Variants in AGPS observed in about 807,000 individuals in gnomAD.
AGPS encodes alkyldihydroxyacetonephosphate synthase, peroxisomal.
AGPS carries 26 observed loss-of-function variants against 90.7 expected under a neutral mutation model. The ratio of observed to expected loss-of-function variants is 0.29; its 90% confidence interval spans 0.21 to 0.40. The LOEUF (loss-of-function observed/expected upper bound fraction) is 0.40. AGPS is among the 10% of genes least tolerant of loss of function. AGPS has a pLI of 1.00. For missense variants in AGPS, 540 were observed against 816.1 expected, an observed-to-expected ratio of 0.66 and a Z score of 4.12; for synonymous variants, 294 against 285.3, an observed-to-expected ratio of 1.03 and a Z score of -0.31.
chr2:177,435,453 T>G (rs1686378238), intron 3 of AGPS, among the ~76,000 whole-genome samples: 1 of 152,162 alleles, frequency 6.6e-6, no homozygotes, highest in Non-Finnish European at 1.5e-5. Flanking sequence ...CCACATACTA[T>G]AGTTAGAAAT....
intron 11 of AGPS, among the ~76,000 whole-genome samples, chr2:177,489,702 G>A (rs1403319887): frequency 6.6e-6 from 1 of 152,160 alleles, no homozygotes; most frequent in Non-Finnish European, 1.5e-5. Context: ...ATATAGTTAG[G>A]TACAAGTTCG....
intron 1 of AGPS, among the ~76,000 whole-genome samples, chr2:177,401,547 ATT>A (rs765100790): frequency 1.5e-4 from 21 of 140,482 alleles, no homozygotes; most frequent in Admixed American, 2.1e-4. Context: ...TTTAATTTTA[ATT>A]TTTTTTTTTT....
At chr2:177,524,065 G>T (rs1346398810) in intron 19 of AGPS, among the ~76,000 whole-genome samples, 1 of 152,132 alleles carries the variant, frequency 6.6e-6, no homozygotes, top group Non-Finnish European at 1.5e-5. Context: ...TGTTATCAGA[G>T]AATAGCCCAG....
intron 7 of AGPS, among the ~76,000 whole-genome samples, chr2:177,444,810 T>C (rs967783693): frequency 1.3e-5 from 2 of 152,206 alleles, no homozygotes; most frequent in African/African-American, 4.8e-5. Flanking sequence ...CTGCTCTTAA[T>C]AGTAGAAAGT....
chr2:177,400,496 A>C (rs1685302651), intron 1 of AGPS, among the ~76,000 whole-genome samples: 1 of 152,162 alleles, frequency 6.6e-6, no homozygotes, highest in Admixed American at 6.5e-5. Flanking sequence ...CAGTAGTTGA[A>C]ATACGCTTAC....
intron 1 of AGPS, among the ~76,000 whole-genome samples, chr2:177,395,039 G>A (rs1490530531): frequency 1.3e-5 from 2 of 152,064 alleles, no homozygotes; most frequent in African/African-American, 4.8e-5. Context: ...ATTTCATCTC[G>A]TCTCCTGGCT....
intron 2 of AGPS, among the ~76,000 whole-genome samples, chr2:177,421,839 A>G (rs1685949665): frequency 6.6e-6 from 1 of 152,168 alleles, no homozygotes; most frequent in South Asian, 2.1e-4. Context: ...CTCTTCTCGG[A>G]CACTGTCCTC....
At chr2:177,460,884 A>C (rs1287561933) in intron 8 of AGPS, among the ~76,000 whole-genome samples, 1 of 152,234 alleles carries the variant, frequency 6.6e-6, no homozygotes, top group African/African-American at 2.4e-5. Context: ...TTTTCCTAGC[A>C]GCAAAATTAG....
chr2:177,500,554 A>AT (rs200479997), intron 14 of AGPS, among the ~76,000 whole-genome samples: 10 of 151,432 alleles, frequency 6.6e-5, no homozygotes, highest in African/African-American at 1.5e-4. Context: ...ACTTTTATGT[A>AT]TTTTTTTTCA....
intron 11 of AGPS, among the ~76,000 whole-genome samples, chr2:177,486,333 A>T (rs571185600): frequency 6.6e-6 from 1 of 152,336 alleles, no homozygotes; most frequent in African/African-American, 2.4e-5. Flanking sequence ...ATAATGGTTT[A>T]GGGAAAGTTG....
At chr2:177,402,643 G>A (rs767833442) in intron 1 of AGPS, among the ~76,000 whole-genome samples, 8 of 152,162 alleles carry the variant, frequency 5.3e-5, no homozygotes, top group Non-Finnish European at 1.2e-4. Flanking sequence ...CTCAGGTTAT[G>A]AAGAGTAACT....
At chr2:177,481,931 T>C (rs1000751731) in intron 10 of AGPS, 128 bp from the exon 11 acceptor site, 2 of 637,668 alleles carry the variant, frequency 3.1e-6, no homozygotes, top group Non-Finnish European at 4.3e-6. Context: ...GAGTAGCCAT[T>C]ATTCCCCAGG....
At chr2:177,434,513 T>G (rs1686340118) in intron 3 of AGPS, 96 bp downstream of exon 3, 1 of 936,642 alleles carries the variant, frequency 1.1e-6, no homozygotes, top group African/African-American at 1.7e-5. Flanking sequence ...TTGGATTTAC[T>G]GCAACTGTCA....
intron 8 of AGPS, among the ~76,000 whole-genome samples, chr2:177,448,838 A>C (rs1686853168): frequency 6.6e-6 from 1 of 151,884 alleles, no homozygotes; most frequent in South Asian, 2.1e-4. Flanking sequence ...TCCCACTCCC[A>C]CCCACAACCC....
intron 2 of AGPS, among the ~76,000 whole-genome samples, chr2:177,422,655 G>A (rs1223272628): frequency 6.6e-6 from 1 of 152,160 alleles, no homozygotes; most frequent in South Asian, 2.1e-4. Context: ...GGATTTAGGT[G>A]CTCTGAGATT....
chr2:177,430,081 A>G (rs945159258), intron 2 of AGPS, among the ~76,000 whole-genome samples: 1 of 152,256 alleles, frequency 6.6e-6, no homozygotes, highest in Non-Finnish European at 1.5e-5. Context: ...ACAATCTGGC[A>G]TAGCAGCTGT....
intron 18 of AGPS, among the ~76,000 whole-genome samples, chr2:177,523,078 TC>T (rs1323507641): frequency 6.6e-6 from 1 of 152,200 alleles, no homozygotes; most frequent in East Asian, 1.9e-4. Flanking sequence ...ACGAGGTTTT[TC>T]TTTTCACTCT....
Position 177,452,282 on chromosome 2 carries a change from A to C in AGPS, c.870+6656A>C, listed in dbSNP as rs776916631. On this transcript the variant is annotated intron_variant, in intron 8 of 19. Transcript: ENST00000264167. Reference sequence around the variant, plus strand: ...GTCAGTTATTGAAGGGGGGTATTAAAACCTCCAACAGTAATTGTAGATTTG... The same window carrying C: ...GTCAGTTATTGAAGGGGGGTATTAACACCTCCAACAGTAATTGTAGATTTG... Among the ~76,000 whole-genome samples, 40 of 152,098 alleles carry C rather than the reference A, an allele frequency of 2.6e-4. 1 individual carries two copies. The highest frequency in any genetic ancestry group is 8.8e-5 in the Non-Finnish European group (6 of 68,004).
chr2:177,535,408 G>C (rs2079174587), intron 19 of AGPS, among the ~76,000 whole-genome samples: 1 of 152,076 alleles, frequency 6.6e-6, no homozygotes, highest in African/African-American at 2.4e-5. Context: ...ATACCCATGT[G>C]TGTTAACATG....
Sources: gnomAD v4.1 joint callset for allele counts (sites outside exome capture counted in the v4.1 genomes callset) on GRCh38, gnomAD v4.1.1 for gene constraint, MANE v1.5 for transcripts, NCBI Gene and HGNC (gene_info 2026-07-23, HGNC 2026-07-21) for gene names.